The following DOCK1 variants were observed in gnomAD, a reference collection of about 807,000 sequenced individuals.
The protein encoded by DOCK1 is dedicator of cytokinesis protein 1.
In DOCK1, 138 loss-of-function variants were observed where a neutral mutation model predicts 262.7. The ratio of observed to expected loss-of-function variants is 0.53; its 90% CI spans 0.46 to 0.61. DOCK1 has a LOEUF of 0.61. DOCK1 is among the 20% of genes least tolerant of loss of function. The pLI is 0.00. For synonymous variants in DOCK1, 866 were observed against 867.4 expected (o/e 1.00, Z 0.03); for missense variants, 1,908 against 2,370.7 (o/e 0.80, Z 4.05).
At chr10:127,082,334 A>G (rs763061652) in intron 23 of DOCK1, among the ~76,000 whole-genome samples, 2 of 152,142 alleles carry the variant, frequency 1.3e-5, no homozygotes, top group Non-Finnish European at 2.9e-5. Context: ...CAATAAAGAC[A>G]CACCTTAGAC....
chr10:127,389,945 C>T (rs1205192288), intron 38 of DOCK1, among the ~76,000 whole-genome samples: 2 of 150,310 alleles, frequency 1.3e-5, no homozygotes, highest in Non-Finnish European at 3.0e-5. Context: ...ACCTGGGAGG[C>T]GGAGATTGCA....
chr10:127,066,654 G>C (rs548125476), intron 23 of DOCK1, among the ~76,000 whole-genome samples: 5 of 152,208 alleles, frequency 3.3e-5, no homozygotes, highest in Non-Finnish European at 7.3e-5. Context: ...CTGAGGGTTA[G>C]CTCCCCCAAT....
rs186267365 is a variant in DOCK1, at chr10:127,408,959, T to C, written c.4123-78T>C. On this transcript the variant is annotated intron_variant, in intron 40 of 51. Coordinates refer to ENST00000623213, the MANE Select transcript of DOCK1 (RefSeq NM_001290223.2). ...TTTGTAAGAACCCGTAAGGCATATT[T>C]TAAGGCCAGCATATTGCATGTGAAC... The C allele has an allele frequency of 6.4e-4, 947 of 1,473,462 alleles. 5 individuals are homozygous for C. In the African/African-American group the frequency reaches 0.012, roughly 19 times the overall value. 91.3% of individuals were successfully genotyped at this position (1,473,462 alleles called of 1,614,324 possible). A position where few individuals can be genotyped will look rare whatever the true frequency, so the allele number is the denominator to read the frequency against.
intron 32 of DOCK1, among the ~76,000 whole-genome samples, chr10:127,357,128 C>T (rs1206160887): frequency 6.6e-6 from 1 of 152,216 alleles, no homozygotes; most frequent in East Asian, 1.9e-4. Flanking sequence ...CACTGCTCTC[C>T]ATGTGCCAAG....
chr10:127,096,780 G>A (rs1362802889), intron 23 of DOCK1, among the ~76,000 whole-genome samples: 1 of 151,692 alleles, frequency 6.6e-6, no homozygotes, highest in Non-Finnish European at 1.5e-5. Context: ...CATGAGATCT[G>A]GGACAATTAC....
At chr10:127,269,193 G>A (rs1416440065) in intron 29 of DOCK1, among the ~76,000 whole-genome samples, 1 of 152,148 alleles carries the variant, frequency 6.6e-6, no homozygotes, top group Non-Finnish European at 1.5e-5. Context: ...GAATAAATGA[G>A]AAAGCGCATG....
At chr10:126,992,622 T>C (rs1300533953) in intron 6 of DOCK1, among the ~76,000 whole-genome samples, 1 of 152,120 alleles carries the variant, frequency 6.6e-6, no homozygotes, top group Non-Finnish European at 1.5e-5. Flanking sequence ...ATTTTTAACC[T>C]GGGTGGAGGG....
chr10:127,016,848 A>G (rs2041949853), intron 12 of DOCK1, among the ~76,000 whole-genome samples: 1 of 112,560 alleles, frequency 8.9e-6, no homozygotes, highest in Admixed American at 9.0e-5. Flanking sequence ...ACACACACAC[A>G]GATACCATAA....
At chr10:127,305,460 G>A (rs1169525799) in intron 29 of DOCK1, among the ~76,000 whole-genome samples, 4 of 152,092 alleles carry the variant, frequency 2.6e-5, no homozygotes, top group African/African-American at 4.8e-5. Context: ...TGTGTTCCTC[G>A]AGTGCCCAAC....
intron 31 of DOCK1, among the ~76,000 whole-genome samples, chr10:127,345,835 C>G (rs542040241): frequency 1.4e-4 from 22 of 152,256 alleles, no homozygotes; most frequent in Non-Finnish European, 3.1e-4. Flanking sequence ...CCCTCAGGGC[C>G]CAGGGGAAGG....
chr10:127,418,838 G>A (rs2068321193), intron 45 of DOCK1, among the ~76,000 whole-genome samples: 2 of 152,222 alleles, frequency 1.3e-5, no homozygotes, highest in South Asian at 4.1e-4. Context: ...CAAGGTCTGG[G>A]ATCTTACAGG....
intron 27 of DOCK1, among the ~76,000 whole-genome samples, chr10:127,241,615 C>A (rs1160618827): frequency 6.6e-6 from 1 of 152,090 alleles, no homozygotes; most frequent in Non-Finnish European, 1.5e-5. Flanking sequence ...TTTGGCTGGT[C>A]ATTTTCACCA....
intron 29 of DOCK1, among the ~76,000 whole-genome samples, chr10:127,306,450 G>A (rs543389167): frequency 6.6e-6 from 1 of 152,298 alleles, no homozygotes; most frequent in African/African-American, 2.4e-5. Flanking sequence ...GATGCTTGGT[G>A]CTGTGGCCAT....
intron 1 of DOCK1, among the ~76,000 whole-genome samples, chr10:126,909,476 C>A (rs2031438735): frequency 6.6e-6 from 1 of 152,160 alleles, no homozygotes; most frequent in Non-Finnish European, 1.5e-5. Context: ...AAAACTAATA[C>A]AGATGATGGG....
At chr10:127,327,601 A>G (rs1327783644) in intron 29 of DOCK1, among the ~76,000 whole-genome samples, 1 of 152,200 alleles carries the variant, frequency 6.6e-6, no homozygotes, top group Admixed American at 6.5e-5. Context: ...TTTCACCACT[A>G]AACTTTGCCC....
intron 27 of DOCK1, among the ~76,000 whole-genome samples, chr10:127,246,773 A>AG (rs1564931665): frequency 1.3e-5 from 2 of 152,222 alleles, no homozygotes. Flanking sequence ...TTCACTGTAA[A>AG]GCCTGTATTC....
intron 27 of DOCK1, among the ~76,000 whole-genome samples, chr10:127,198,013 GA>G (rs778921358): frequency 3.5e-4 from 53 of 152,266 alleles, no homozygotes; most frequent in Non-Finnish European, 6.6e-4. Flanking sequence ...TGAGCCTGTG[GA>G]TCCAAACTCT....
intron 29 of DOCK1, among the ~76,000 whole-genome samples, chr10:127,279,077 T>C (rs897483243): frequency 9.2e-5 from 14 of 152,230 alleles, no homozygotes; most frequent in African/African-American, 3.4e-4. Flanking sequence ...TAATTAATAA[T>C]TTTCCAGTGT....
intron 29 of DOCK1, among the ~76,000 whole-genome samples, chr10:127,259,554 G>A (rs143609691): frequency 2.6e-3 from 403 of 152,258 alleles, no homozygotes; most frequent in Admixed American, 4.5e-3. Context: ...GTGTGGAGGC[G>A]GCCCGTGTGG....
Sources: allele counts gnomAD v4.1 joint callset (sites outside exome capture counted in the v4.1 genomes callset), GRCh38; gene constraint gnomAD v4.1.1; transcripts MANE v1.5; gene names NCBI Gene and HGNC (gene_info 2026-07-23, HGNC 2026-07-21).